RNF216: variants seen among roughly 807,000 people sequenced by gnomAD.
The protein encoded by RNF216 is ring finger protein 216.
In RNF216, 72 loss-of-function variants were observed where a neutral mutation model predicts 110.8. The observed-to-expected ratio is 0.65, with a 90% CI of 0.54 to 0.79. The LOEUF is 0.79. Among genes scored for constraint, RNF216 ranks in the 30% least tolerant of loss-of-function variants. The pLI is 0.00. For synonymous variants in RNF216, 495 were observed against 407.5 expected, an observed-to-expected ratio of 1.21 and a Z score of -2.59; for missense variants, 1,342 against 1,141.2, an observed-to-expected ratio of 1.18 and a Z score of -2.54.
intron 1 of RNF216, among the ~76,000 whole-genome samples, chr7:5,772,039 G>A (rs1487603543): frequency 2.6e-5 from 4 of 152,164 alleles, no homozygotes; most frequent in African/African-American, 9.6e-5. Flanking sequence ...TTCGAGACCA[G>A]CCTGACCAAC....
chr7:5,778,272 G>A (rs1267865135), intron 1 of RNF216, among the ~76,000 whole-genome samples: 1 of 152,128 alleles, frequency 6.6e-6, no homozygotes, highest in Non-Finnish European at 1.5e-5. Context: ...TTCCACTGCA[G>A]GCTCTTCCCC....
At chr7:5,746,029 G>A (rs1341477284) in intron 3 of RNF216, among the ~76,000 whole-genome samples, 1 of 152,174 alleles carries the variant, frequency 6.6e-6, no homozygotes, top group Non-Finnish European at 1.5e-5. Context: ...CCTTTGACAG[G>A]TCTGGCAACC....
intron 14 of RNF216, among the ~76,000 whole-genome samples, chr7:5,644,309 G>A (rs1457711290): frequency 1.3e-5 from 2 of 151,986 alleles, no homozygotes; most frequent in African/African-American, 4.8e-5. Flanking sequence ...AATGTATACT[G>A]GTGTCATTTT....
intron 15 of RNF216, among the ~76,000 whole-genome samples, chr7:5,640,494 C>T (rs556738639): frequency 6.6e-6 from 1 of 152,272 alleles, no homozygotes; most frequent in Admixed American, 6.5e-5. Flanking sequence ...CTGCAAACCT[C>T]ACCTGCTTTC....
intron 2 of RNF216, 105 bp from the exon 3 acceptor site, chr7:5,753,084 A>C: frequency 8.6e-7 from 1 of 1,157,042 alleles, no homozygotes; most frequent in South Asian, 1.7e-5. Flanking sequence ...CTTCATGGCT[A>C]CTAGTGTAAC....
chr7:5,704,075 TGA>T (rs895027575), intron 13 of RNF216, among the ~76,000 whole-genome samples: 4 of 152,202 alleles, frequency 2.6e-5, no homozygotes, highest in African/African-American at 9.6e-5. Context: ...ACAAGGGAGC[TGA>T]GAGCCTTGAC....
chr7:5,754,496 C>A (rs1795511192), intron 2 of RNF216, among the ~76,000 whole-genome samples: 1 of 151,900 alleles, frequency 6.6e-6, no homozygotes, highest in Non-Finnish European at 1.5e-5. Flanking sequence ...GAGGAGTTGC[C>A]AAGCTCCTCA....
intron 8 of RNF216, among the ~76,000 whole-genome samples, chr7:5,723,646 CAA>C (rs948474564): frequency 7.3e-6 from 1 of 136,792 alleles, no homozygotes. Flanking sequence ...GACTCCGTCT[CAA>C]AAAAAAAAAA....
intron 13 of RNF216, among the ~76,000 whole-genome samples, chr7:5,660,190 C>T (rs891058089): frequency 4.1e-5 from 6 of 145,738 alleles, no homozygotes; most frequent in South Asian, 4.4e-4. Flanking sequence ...TGGGCTCAAG[C>T]GATCTGCCCA....
At chr7:5,722,369 G>GT (rs36102190) in intron 8 of RNF216, among the ~76,000 whole-genome samples, 121,987 of 143,542 alleles carry the variant, frequency 0.85, 52,130 homozygotes, top group Non-Finnish European at 0.91. Context: ...TCATTCTCAT[G>GT]TTTTTTTTTT....
At chr7:5,719,085 GAGAAA>G (rs1382099378) in intron 9 of RNF216, among the ~76,000 whole-genome samples, 3 of 152,102 alleles carry the variant, frequency 2.0e-5, no homozygotes, top group Non-Finnish European at 4.4e-5. Flanking sequence ...TTTAGCATCA[GAGAAA>G]AGAAAGTTGG....
At chr7:5,647,132 G>C (rs182385026) in intron 14 of RNF216, among the ~76,000 whole-genome samples, 1 of 151,816 alleles carries the variant, frequency 6.6e-6, no homozygotes, top group East Asian at 1.9e-4. Context: ...AAAAAAAAAG[G>C]GAAAAAGTTG....
At chr7:5,742,898 T>C (rs1794841905) in intron 3 of RNF216, among the ~76,000 whole-genome samples, 1 of 152,060 alleles carries the variant, frequency 6.6e-6, no homozygotes, top group Non-Finnish European at 1.5e-5. Context: ...GCTTGGCCGA[T>C]GTGTGAAAAT....
intron 1 of RNF216, among the ~76,000 whole-genome samples, chr7:5,781,128 C>T (rs1201057314): frequency 6.6e-6 from 1 of 152,216 alleles, no homozygotes; most frequent in African/African-American, 2.4e-5. Flanking sequence ...CTGGGGTTCA[C>T]AGGCACGGCC....
At chr7:5,657,015 T>C (rs944654726) in intron 13 of RNF216, among the ~76,000 whole-genome samples, 1 of 152,244 alleles carries the variant, frequency 6.6e-6, no homozygotes, top group Non-Finnish European at 1.5e-5. Flanking sequence ...GTTTGTTTCC[T>C]TGCCTTCCTT....
intron 15 of RNF216, among the ~76,000 whole-genome samples, chr7:5,631,350 T>G (rs893816091): frequency 2.0e-5 from 3 of 152,014 alleles, no homozygotes; most frequent in African/African-American, 7.2e-5. Context: ...AGAGTGGGAG[T>G]GGGGAGCTTG....
rs758252416 is a variant in RNF216, at chr7:5,775,786, T to C, written c.-70+5755A>G. On this transcript the variant is annotated intron_variant, in intron 1 of 16. Transcript: ENST00000389902. The stretch of plus-strand genomic sequence containing the variant: ...CGGGAGGCTGAGGCAGGAGAAATGC[T>C]TGAACCCGGGATGCAAAGCTTGCAG... Among the ~76,000 whole-genome samples, 4 of 151,856 alleles carry C rather than the reference T, an allele frequency of 2.6e-5. No individual in the cohort carries two copies. The East Asian group carries it at 5.8e-4, about 22-fold the overall frequency.
At chr7:5,691,354 G>GT (rs1554252753) in intron 13 of RNF216, among the ~76,000 whole-genome samples, 1 of 152,228 alleles carries the variant, frequency 6.6e-6, no homozygotes, top group Non-Finnish European at 1.5e-5. Context: ...AGTAATGTCA[G>GT]TGTTCCTGTT....
intron 3 of RNF216, among the ~76,000 whole-genome samples, chr7:5,742,272 C>T (rs1794800348): frequency 6.6e-6 from 1 of 152,078 alleles, no homozygotes; most frequent in South Asian, 2.1e-4. Context: ...GTCTCAAACT[C>T]CTGGCCTCAA....
Sources: gnomAD v4.1 joint callset for allele counts (sites outside exome capture counted in the v4.1 genomes callset) on GRCh38, gnomAD v4.1.1 for gene constraint, MANE v1.5 for transcripts, NCBI Gene and HGNC (gene_info 2026-07-23, HGNC 2026-07-21) for gene names.